The following BIRC6 variants were observed in gnomAD, a reference collection of about 807,000 sequenced individuals.
The protein encoded by BIRC6 is baculoviral IAP repeat containing 6.
A neutral mutation model predicts 503.3 loss-of-function variants in BIRC6; 98 were observed. The observed-to-expected ratio is 0.19, with a 90% CI of 0.17 to 0.23. The LOEUF (loss-of-function observed/expected upper bound fraction) is 0.23. Among genes scored for constraint, BIRC6 ranks in the 10% least tolerant of loss-of-function variants. The pLI is 1.00. For missense variants in BIRC6, 5,360 were observed against 5,806.0 expected, an observed-to-expected ratio of 0.92 and a Z score of 2.50; for synonymous variants, 2,240 against 2,078.7, an observed-to-expected ratio of 1.08 and a Z score of -2.11.
chr2:32,521,172 T>C (rs1042063320), intron 57 of BIRC6, among the ~76,000 whole-genome samples: 2 of 152,034 alleles, frequency 1.3e-5, no homozygotes, highest in African/African-American at 4.8e-5. Context: ...TCTGATATAT[T>C]TACTTGTACG....
In BIRC6 at chr2:32,493,585, T is replaced by C; in HGVS notation, c.8386T>C (p.Leu2796=). 1 of 1,609,982 alleles carries C rather than the reference T, an allele frequency of 6.2e-7. No individual in the cohort carries two copies. Among genetic ancestry groups the C allele is most frequent in the Non-Finnish European group, 8.5e-7 (1 of 1,177,158 alleles). The change falls in exon 45 of 74, where the codon TTA becomes CTA. Residue 2796 remains leucine (L), a synonymous_variant. Coordinates refer to ENST00000421745, the MANE Select transcript of BIRC6 (RefSeq NM_016252.4). The stretch of plus-strand genomic sequence containing the variant: ...AGCTATGCAAGAATTTCTTACTCGA[T>C]TACAAGTGCATCTTTCTTCAACATG... ...TQAMQEFLTR[L]QVHLSSTCPQ...
At chr2:32,441,295 T>C (rs1344657830) in intron 16 of BIRC6, 34 bp from the exon 17 acceptor site, 3 of 1,366,320 alleles carry the variant, frequency 2.2e-6, no homozygotes, top group Non-Finnish European at 1.0e-6. Flanking sequence ...GTTTAGTTTA[T>C]TTTTTAAAAT....
In BIRC6 at chr2:32,610,671, G is replaced by T. The variant is rs1007014376; in HGVS notation, c.14260-777G>T. ...GAGTATATTGTATCATATGTGTCTTGTGGTCTCTGGACAGGATTAATTTTC... is the reference window on the plus strand; with the variant it reads ...GAGTATATTGTATCATATGTGTCTTTTGGTCTCTGGACAGGATTAATTTTC... On this transcript the variant is annotated intron_variant, in intron 72 of 73. Transcript: ENST00000421745. Among the ~76,000 whole-genome samples, 6 of 152,098 alleles carry T rather than the reference G, an allele frequency of 3.9e-5. No homozygotes were observed. In the East Asian group the frequency reaches 1.2e-3, roughly 29 times the overall value.
Position 32,465,110 on chromosome 2 carries a change from C to G in BIRC6, c.5302C>G (p.His1768Asp). The change falls in exon 26 of 74, where the codon CAT becomes GAT. Residue 1768 changes from histidine to aspartate, a missense_variant. Physicochemically the swap from His to Asp is moderately conservative, Grantham distance 81 (BLOSUM62 -1). Coordinates refer to ENST00000421745, the MANE Select transcript of BIRC6 (RefSeq NM_016252.4). ...AGCCCTTGCAATTTCTCATGCTTCA[C>G]ATTTTCTTCAACCTCCGCCTCACCA... Reference protein sequence around the residue: ...GLALAISHASHFLQPPPHQSI... With the variant: ...GLALAISHASDFLQPPPHQSI... 6.2e-7 allele frequency: 1 copy of G among 1,607,824 alleles called. No homozygotes were observed. Among genetic ancestry groups the G allele is most frequent in the Non-Finnish European group, 8.5e-7 (1 of 1,176,512 alleles).
At chr2:32,403,494 G>A (rs554993078) in intron 8 of BIRC6, among the ~76,000 whole-genome samples, 1 of 152,138 alleles carries the variant, frequency 6.6e-6, no homozygotes, top group South Asian at 2.1e-4. Context: ...CTGAATTAAG[G>A]AAGAAGATAT....
chr2:32,518,105 A>G (rs768302301), intron 55 of BIRC6, 149 bp from the exon 56 acceptor site: 19 of 682,528 alleles, frequency 2.8e-5, no homozygotes, highest in East Asian at 1.2e-4. Context: ...AAACTTAACT[A>G]CTAGACCCCC....
intron 65 of BIRC6, among the ~76,000 whole-genome samples, chr2:32,553,032 C>A (rs1398477507): frequency 4.8e-4 from 64 of 133,356 alleles, no homozygotes; most frequent in Admixed American, 2.0e-3. Context: ...AAAAAAAAAA[C>A]AAACAAAAAA....
intron 66 of BIRC6, among the ~76,000 whole-genome samples, chr2:32,592,680 C>G (rs556724589): frequency 2.6e-4 from 39 of 152,170 alleles, no homozygotes; most frequent in Admixed American, 9.8e-4. Flanking sequence ...ACTGCAACCT[C>G]CGCCTCCCAG....
At chr2:32,531,690 T>C in intron 61 of BIRC6, 139 bp downstream of exon 61, 1 of 759,300 alleles carries the variant, frequency 1.3e-6, no homozygotes, top group South Asian at 2.0e-5. Flanking sequence ...TATATAACTC[T>C]TTCAATGGTC....
chr2:32,428,046 G>A (rs1049585964), intron 10 of BIRC6, among the ~76,000 whole-genome samples: 11 of 152,174 alleles, frequency 7.2e-5, no homozygotes, highest in African/African-American at 2.7e-4. Context: ...TGGGGCAGCA[G>A]AGCTTAGTAT....
chr2:32,543,315 T>G lies in BIRC6; in HGVS notation c.12366T>G (p.Ile4122Met). Residue 4122 changes from isoleucine to methionine, a missense_variant, in exon 62 of 74, where the codon ATT becomes ATG. Transcript: ENST00000421745. Reference protein sequence around the residue: ...KDSDQFEWVTIEQSGELVYEA... With the variant: ...KDSDQFEWVTMEQSGELVYEA... ...GCGATCAGTTTGAATGGGTGACCATTGAACAGTCAGGGGAGTTAGTTTATG... is the reference window on the plus strand; with the variant it reads ...GCGATCAGTTTGAATGGGTGACCATGGAACAGTCAGGGGAGTTAGTTTATG... 1 of 1,613,996 alleles carries G rather than the reference T, an allele frequency of 6.2e-7. No homozygotes were observed. The highest frequency in any genetic ancestry group is 8.5e-7 in the Non-Finnish European group (1 of 1,179,886).
chr2:32,578,808 ATACATACATACATAC>A (rs2060444772), intron 66 of BIRC6, among the ~76,000 whole-genome samples: 1 of 146,734 alleles, frequency 6.8e-6, no homozygotes. Flanking sequence ...CAAAAAATAC[ATACATACATACATAC>A]ATACATACAT....
At chr2:32,459,634 T>C (rs2047617798) in intron 23 of BIRC6, among the ~76,000 whole-genome samples, 1 of 152,186 alleles carries the variant, frequency 6.6e-6, no homozygotes, top group Non-Finnish European at 1.5e-5. Context: ...GGCATCCTAA[T>C]ATTGACTTTT....
rs1012613276 is a variant in BIRC6 at position 32,468,706 on chromosome 2, C to T, written c.6050C>T (p.Thr2017Ile). ...TCAAATCCAGAAGATTTAATTCAGA[C>T]ATCTTCCACAGAGCAGTTACGTACT... ...ETSNPEDLIQ[T>I]SSTEQLRTII... The change falls in exon 29 of 74, where the codon ACA (threonine) becomes ATA (isoleucine). Residue 2017 changes from threonine (T) to isoleucine (I), a missense_variant. Physicochemically the swap from Thr to Ile is moderately conservative, Grantham distance 89. Transcript: ENST00000421745. 5.6e-6 allele frequency: 9 copies of T among 1,613,782 alleles called. No individual in the cohort carries two copies. The highest frequency in any genetic ancestry group is 7.6e-6 in the Non-Finnish European group (9 of 1,179,810).
rs139245193 is a variant in BIRC6 at position 32,538,919 on chromosome 2, AAATG to A, written c.12292-4295_12292-4292del. On this transcript the variant is annotated intron_variant, in intron 61 of 73. Coordinates refer to ENST00000421745, the MANE Select transcript of BIRC6 (RefSeq NM_016252.4). ...TGAGACTCCATCTCTATGATTGAAC[AAATG>A]AATGAATGAATGAATGAATGAATGA... Among the ~76,000 whole-genome samples, 1,304 of 152,188 alleles carry A rather than the reference AAATG, an allele frequency of 8.6e-3. 14 individuals carry two copies. Among genetic ancestry groups the A allele is most frequent in the African/African-American group, 0.029 (1,219 of 41,492 alleles).
chr2:32,506,877 C>G (rs77113850), intron 50 of BIRC6, among the ~76,000 whole-genome samples: 1 of 151,996 alleles, frequency 6.6e-6, no homozygotes, highest in Non-Finnish European at 1.5e-5. Context: ...ATAATACTTT[C>G]CTCAAAAGGT....
chr2:32,598,014 C>G (rs778804885), intron 69 of BIRC6, 46 bp downstream of exon 69: 55 of 1,436,924 alleles, frequency 3.8e-5, no homozygotes, highest in Non-Finnish European at 5.2e-5. Flanking sequence ...CTCCTTGGCT[C>G]ATCTAATTAC....
intron 64 of BIRC6, 136 bp downstream of exon 64, chr2:32,548,150 A>G (rs2058178580): frequency 4.5e-6 from 3 of 673,078 alleles, no homozygotes; most frequent in South Asian, 3.3e-5. Context: ...AGTGCATTCT[A>G]AGATACCACT....
chr2:32,426,422 G>A (rs2043498143), intron 10 of BIRC6, among the ~76,000 whole-genome samples: 1 of 152,114 alleles, frequency 6.6e-6, no homozygotes, highest in Non-Finnish European at 1.5e-5. Flanking sequence ...GGCCAACATG[G>A]CAAAACCCTG....
Sources: gnomAD v4.1 joint callset for allele counts (sites outside exome capture counted in the v4.1 genomes callset) on GRCh38, gnomAD v4.1.1 for gene constraint, MANE v1.5 for transcripts, NCBI Gene and HGNC (gene_info 2026-07-23, HGNC 2026-07-21) for gene names.